Variants in CD226 observed in about 807,000 individuals in gnomAD.
The protein encoded by CD226 is CD226 molecule, also known as CD226 antigen.
A neutral mutation model predicts 34.9 loss-of-function variants in CD226; 24 were observed. The observed-to-expected ratio is 0.69, with a 90% CI of 0.50 to 0.97. The LOEUF is 0.97. Ranked by LOEUF, CD226 falls within the 50% of genes least tolerant of loss-of-function variation. The pLI is 0.00. For missense variants in CD226, 397 were observed against 412.7 expected, an observed-to-expected ratio of 0.96 and a Z score of 0.33; for synonymous variants, 148 against 147.4, an observed-to-expected ratio of 1.00 and a Z score of -0.03.
intron 2 of CD226, among the ~76,000 whole-genome samples, chr18:69,939,618 T>C (rs1828628104): frequency 6.6e-6 from 1 of 152,098 alleles, no homozygotes; most frequent in South Asian, 2.1e-4. Flanking sequence ...CCAAACAGAG[T>C]AGAATTATTG....
intron 3 of CD226, among the ~76,000 whole-genome samples, chr18:69,879,163 T>C (rs191118733): frequency 2.2e-3 from 328 of 151,958 alleles, no homozygotes; most frequent in African/African-American, 7.0e-3. Flanking sequence ...TGGGGTGAAA[T>C]TAAAATTGCT....
chr18:69,904,410 GC>G (rs1403815554), intron 2 of CD226, among the ~76,000 whole-genome samples: 1 of 152,204 alleles, frequency 6.6e-6, no homozygotes, highest in Non-Finnish European at 1.5e-5. Flanking sequence ...CAAAGCAACT[GC>G]TGAGACCACC....
At chr18:69,918,673 T>C (rs533390890) in intron 2 of CD226, among the ~76,000 whole-genome samples, 30 of 152,272 alleles carry the variant, frequency 2.0e-4, no homozygotes, top group Non-Finnish European at 1.2e-4. Context: ...ACTAAACAGA[T>C]GTTTACAATG....
intron 2 of CD226, among the ~76,000 whole-genome samples, chr18:69,909,196 A>C (rs1167540131): frequency 6.6e-6 from 1 of 152,208 alleles, no homozygotes; most frequent in Non-Finnish European, 1.5e-5. Flanking sequence ...CAGGCACATT[A>C]AGTTTCCCAA....
intron 2 of CD226, among the ~76,000 whole-genome samples, chr18:69,946,472 G>A (rs2055793793): frequency 6.6e-6 from 1 of 151,976 alleles, no homozygotes; most frequent in Admixed American, 6.6e-5. Context: ...TTATCATTAA[G>A]ACAACAAAAA....
chr18:69,868,803 GCACACA>G (rs56351883), intron 4 of CD226, among the ~76,000 whole-genome samples: 124 of 151,014 alleles, frequency 8.2e-4, no homozygotes, highest in Middle Eastern at 3.4e-3. Context: ...GCGCGTGCAC[GCACACA>G]CACACACACA....
chr18:69,922,679 T>C (rs947880844), intron 2 of CD226, among the ~76,000 whole-genome samples: 1 of 152,138 alleles, frequency 6.6e-6, no homozygotes, highest in Non-Finnish European at 1.5e-5. Flanking sequence ...ACAAATCTTA[T>C]CTAGTCAAGA....
chr18:69,914,527 A>G lies in CD226; in HGVS notation c.383-18482T>C, dbSNP rs193144438. Among the ~76,000 whole-genome samples the G allele has an allele frequency of 4.9e-4, 75 of 152,312 alleles. 1 individual carries two copies. Among genetic ancestry groups the G allele is most frequent in the Middle Eastern group, 3.4e-3 (1 of 294 alleles). ...TCCGTATTTGTGCCAAGTCCTATAT[A>G]TTGCTCCTTTACAAAAGCATTTCTA... On this transcript the variant is annotated intron_variant, in intron 2 of 5. Coordinates refer to ENST00000582621, the MANE Select transcript of CD226 (RefSeq NM_001303618.2).
intron 2 of CD226, among the ~76,000 whole-genome samples, chr18:69,903,767 C>T (rs1412893454): frequency 1.3e-5 from 2 of 152,080 alleles, no homozygotes; most frequent in African/African-American, 4.8e-5. Flanking sequence ...CTAGGTGAGA[C>T]CTCTCCTTGC....
upstream of CD226, among the ~76,000 whole-genome samples, chr18:69,949,627 G>A (rs2055830493): frequency 1.3e-5 from 2 of 151,584 alleles, no homozygotes; most frequent in Admixed American, 1.3e-4. Context: ...ACACACTCAC[G>A]TGCTCAAATG....
chr18:69,912,861 ACTTGT>A (rs1277379133), intron 2 of CD226, among the ~76,000 whole-genome samples: 4 of 151,934 alleles, frequency 2.6e-5, no homozygotes, highest in Non-Finnish European at 5.9e-5. Context: ...GGATCTAATC[ACTTGT>A]AACAAATGGG....
intron 4 of CD226, 42 bp downstream of exon 4, chr18:69,873,102 C>T (rs1406795807): frequency 9.2e-6 from 10 of 1,088,380 alleles, no homozygotes; most frequent in Non-Finnish European, 1.3e-5. Context: ...TAGAGAACCT[C>T]TAACATGGTG....
At chr18:69,939,997 T>A (rs2055703055) in intron 2 of CD226, among the ~76,000 whole-genome samples, 3 of 152,210 alleles carry the variant, frequency 2.0e-5, no homozygotes. Context: ...CCCATAACCC[T>A]CACGTGTCGT....
intron 2 of CD226, among the ~76,000 whole-genome samples, chr18:69,916,667 C>T (rs2055389919): frequency 6.6e-6 from 1 of 152,178 alleles, no homozygotes; most frequent in African/African-American, 2.4e-5. Flanking sequence ...ATACTAAATA[C>T]ACGGTTCATC....
At chr18:69,950,010 TCACA>T (rs1214120720), upstream of CD226, among the ~76,000 whole-genome samples, 20 of 150,858 alleles carry the variant, frequency 1.3e-4, no homozygotes, top group East Asian at 2.0e-4. Context: ...TCACACTCTC[TCACA>T]CACACAATCA....
At chr18:69,934,243 A>G (rs1338716740) in intron 2 of CD226, among the ~76,000 whole-genome samples, 2 of 151,704 alleles carry the variant, frequency 1.3e-5, no homozygotes, top group East Asian at 1.9e-4. Context: ...GGTTCTTTAT[A>G]TATCATGAAG....
chr18:69,890,118 A>T (rs1265149947), intron 3 of CD226, among the ~76,000 whole-genome samples: 1 of 152,242 alleles, frequency 6.6e-6, no homozygotes, highest in Admixed American at 6.5e-5. Context: ...AAAATCTGGA[A>T]AGAAAAGAGG....
At chr18:69,874,499 G>A (rs1983744440) in intron 3 of CD226, among the ~76,000 whole-genome samples, 1 of 152,146 alleles carries the variant, frequency 6.6e-6, no homozygotes, top group East Asian at 1.9e-4. Context: ...CCCACCATTA[G>A]GATGATGCCA....
intron 2 of CD226, among the ~76,000 whole-genome samples, chr18:69,904,901 T>C (rs969049815): frequency 6.6e-6 from 1 of 152,256 alleles, no homozygotes; most frequent in Non-Finnish European, 1.5e-5. Flanking sequence ...CCATCTCTAA[T>C]GATTCTGTAC....
Sources: allele counts gnomAD v4.1 joint callset (sites outside exome capture counted in the v4.1 genomes callset), GRCh38; gene constraint gnomAD v4.1.1; transcripts MANE v1.5; gene names NCBI Gene and HGNC (gene_info 2026-07-23, HGNC 2026-07-21).